The following TLN2 variants were observed in gnomAD, a reference collection of about 807,000 sequenced individuals.
TLN2 encodes talin-2.
A neutral mutation model predicts 294.7 loss-of-function variants in TLN2; 118 were observed. That is an observed-to-expected ratio of 0.40 (90% CI 0.34 to 0.47). TLN2 has a LOEUF of 0.47. TLN2 is among the 20% of genes least tolerant of loss of function. The pLI is 0.84. For synonymous variants in TLN2, 1,431 were observed against 1,304.5 expected, an observed-to-expected ratio of 1.10 and a Z score of -2.09; for missense variants, 3,083 against 3,282.2, an observed-to-expected ratio of 0.94 and a Z score of 1.48.
At chr15:62,574,858 C>A (rs904804244) in intron 1 of TLN2, among the ~76,000 whole-genome samples, 2 of 152,044 alleles carry the variant, frequency 1.3e-5, no homozygotes, top group African/African-American at 2.4e-5. Context: ...AGATCCTAAT[C>A]CTAGCTTTTT....
intron 1 of TLN2, among the ~76,000 whole-genome samples, chr15:62,450,976 CTTT>C (rs753232298): frequency 1.4e-5 from 2 of 138,976 alleles, no homozygotes; most frequent in African/African-American, 5.3e-5. Flanking sequence ...AGTTCTCTCT[CTTT>C]TTTTTTTTTT....
chr15:62,763,757 C>T (rs750357022), intron 40 of TLN2, 62 bp downstream of exon 40: 7 of 1,495,112 alleles, frequency 4.7e-6, no homozygotes, highest in Non-Finnish European at 6.3e-6. Context: ...ACCTTAGCAT[C>T]AGACTTGGAG....
chr15:62,447,112 C>T (rs1425660548), intron 1 of TLN2, among the ~76,000 whole-genome samples: 3 of 152,154 alleles, frequency 2.0e-5, no homozygotes, highest in African/African-American at 7.2e-5. Flanking sequence ...GAACGCATAG[C>T]TGCATAATCT....
intron 32 of TLN2, among the ~76,000 whole-genome samples, chr15:62,746,653 A>G (rs1022704751): frequency 6.6e-6 from 1 of 152,248 alleles, no homozygotes; most frequent in South Asian, 2.1e-4. Flanking sequence ...AATTTAACTA[A>G]TAAAATGAGG....
intron 1 of TLN2, among the ~76,000 whole-genome samples, chr15:62,536,237 C>T (rs1429519239): frequency 6.6e-6 from 1 of 152,152 alleles, no homozygotes; most frequent in Non-Finnish European, 1.5e-5. Flanking sequence ...AACAAATGCT[C>T]AGGCCTGGGC....
intron 1 of TLN2, among the ~76,000 whole-genome samples, chr15:62,537,710 A>G (rs1165351707): frequency 2.0e-5 from 3 of 152,154 alleles, no homozygotes; most frequent in Non-Finnish European, 4.4e-5. Context: ...TGAGAATGTT[A>G]AAGGATTGTT....
chr15:62,501,686 G>A (rs924811099), intron 1 of TLN2, among the ~76,000 whole-genome samples: 3 of 152,248 alleles, frequency 2.0e-5, no homozygotes, highest in African/African-American at 7.2e-5. Flanking sequence ...TGATGTGACA[G>A]AACCTTTGGA....
At chr15:62,574,984 T>G (rs2044263348) in intron 1 of TLN2, among the ~76,000 whole-genome samples, 1 of 152,162 alleles carries the variant, frequency 6.6e-6, no homozygotes, top group Non-Finnish European at 1.5e-5. Flanking sequence ...TGGGTTGACT[T>G]AGATGAGTGC....
At chr15:62,421,515 T>G (rs574158515) in intron 1 of TLN2, among the ~76,000 whole-genome samples, 56 of 152,330 alleles carry the variant, frequency 3.7e-4, no homozygotes, top group Middle Eastern at 3.4e-3. Context: ...TGAGATCATG[T>G]CCTTTGCAGG....
At chr15:62,793,174 T>G (rs993679397) in intron 46 of TLN2, among the ~76,000 whole-genome samples, 1 of 152,210 alleles carries the variant, frequency 6.6e-6, no homozygotes, top group African/African-American at 2.4e-5. Flanking sequence ...TCAAGGAGGC[T>G]GCTGAGGGCT....
At chr15:62,489,625 CT>C (rs2038598471) in intron 1 of TLN2, among the ~76,000 whole-genome samples, 1 of 152,160 alleles carries the variant, frequency 6.6e-6, no homozygotes, top group South Asian at 2.1e-4. Context: ...GGGACAGAGC[CT>C]GATTCCCTTC....
chr15:62,773,027 T>C (rs2063449693), intron 42 of TLN2, among the ~76,000 whole-genome samples: 1 of 152,070 alleles, frequency 6.6e-6, no homozygotes, highest in African/African-American at 2.4e-5. Flanking sequence ...CCTGATGGAA[T>C]TTTATTTTCT....
chr15:62,796,310 G>A lies in TLN2; in HGVS notation c.6050+17G>A. ...AGACCACAGGTACGTGGGGGTCCTG[G>A]ACGGGGAGAGGTTCAGGCTGGCCTG... is the stretch of plus-strand genomic sequence containing the variant. On this transcript the variant is annotated intron_variant, in intron 47 of 58. Coordinates refer to ENST00000636159, the MANE Select transcript of TLN2 (RefSeq NM_015059.3). 1 of 1,605,764 alleles carries A rather than the reference G, an allele frequency of 6.2e-7. No individual in the cohort carries two copies. Among genetic ancestry groups the A allele is most frequent in the Non-Finnish European group, 8.5e-7 (1 of 1,175,966 alleles).
rs746756049 is a variant in TLN2 at position 62,708,765 on chromosome 15, C to T, written c.2436C>T (p.Thr812=). 1.1e-5 allele frequency: 18 copies of T among 1,606,362 alleles called. No individual in the cohort carries two copies. The highest frequency in any genetic ancestry group is 4.0e-5 in the African/African-American group (3 of 74,910). ...DQATDTIMCV[T]ESIFSSMGDA... ...CTACTGACACCATCATGTGTGTCAC[C>T]GAGAGCATCTTCAGCTCCATGGGTG... The change falls in exon 21 of 59, where the codon ACC becomes ACT. Residue 812 remains threonine, a synonymous_variant. Coordinates refer to ENST00000636159, the MANE Select transcript of TLN2 (RefSeq NM_015059.3).
intron 1 of TLN2, among the ~76,000 whole-genome samples, chr15:62,528,968 C>G (rs1317499810): frequency 1.3e-5 from 2 of 152,168 alleles, no homozygotes; most frequent in Non-Finnish European, 2.9e-5. Context: ...ACACATTGCA[C>G]TGGTTATTTC....
At chr15:62,400,812 GTTT>G (rs11369905) in intron 1 of TLN2, among the ~76,000 whole-genome samples, 26 of 119,454 alleles carry the variant, frequency 2.2e-4, no homozygotes, top group African/African-American at 7.2e-4. Flanking sequence ...TATGTTTCCG[GTTT>G]TTTTTTTTTT....
intron 11 of TLN2, among the ~76,000 whole-genome samples, chr15:62,683,642 T>A (rs2057045316): frequency 6.6e-6 from 1 of 152,038 alleles, no homozygotes; most frequent in African/African-American, 2.4e-5. Context: ...ACAAAAACAA[T>A]CTAATCAGGA....
intron 9 of TLN2, among the ~76,000 whole-genome samples, chr15:62,665,414 T>C (rs1458753297): frequency 6.6e-6 from 1 of 152,154 alleles, no homozygotes; most frequent in Non-Finnish European, 1.5e-5. Flanking sequence ...AAAACTTATA[T>C]TCACCAAAGT....
At chr15:62,493,436 T>G (rs2038852499) in intron 1 of TLN2, among the ~76,000 whole-genome samples, 2 of 152,110 alleles carry the variant, frequency 1.3e-5, no homozygotes, top group African/African-American at 4.8e-5. Context: ...TAATCACTCA[T>G]AAGGCCCTGT....
Sources: gnomAD v4.1 joint callset for allele counts (sites outside exome capture counted in the v4.1 genomes callset) on GRCh38, gnomAD v4.1.1 for gene constraint, MANE v1.5 for transcripts, NCBI Gene and HGNC (gene_info 2026-07-23, HGNC 2026-07-21) for gene names.